GABARAPL2: variants seen among roughly 807,000 people sequenced by gnomAD.
GABARAPL2 encodes the protein GABA type A receptor associated protein like 2.
A neutral mutation model predicts 16.9 loss-of-function variants in GABARAPL2; 11 were observed. The ratio of observed to expected loss-of-function variants is 0.65; its 90% CI spans 0.41 to 1.08. The LOEUF (loss-of-function observed/expected upper bound fraction) is 1.08, where lower values mean the gene tolerates loss of function less well. Among genes scored for constraint, GABARAPL2 ranks in the 50% least tolerant of loss-of-function variants. The probability of loss-of-function intolerance (pLI) is 0.00; values close to 1 mark genes in which losing one functional copy is unlikely to be tolerated. For missense variants in GABARAPL2, 134 were observed against 142.5 expected, an observed-to-expected ratio of 0.94 and a Z score of 0.30; for synonymous variants, 57 against 50.7, an observed-to-expected ratio of 1.12 and a Z score of -0.53.
chr16:75,577,044 G>T, intron 3 of GABARAPL2: 1 of 415,694 alleles, frequency 2.4e-6, no homozygotes, highest in Non-Finnish European at 4.4e-6. Context: ...GCCCCCTGAA[G>T]GAGCTGGCTG....
chr16:75,566,442 C>A lies in GABARAPL2; in HGVS notation c.-45C>A. ...TTGTTGTTGTGCTCGGTGCGCTGAG[C>A]TCCGCGGCTCCGCGAGCCGGTTCCG... is the stretch of plus-strand genomic sequence containing the variant. On this transcript the variant is annotated 5_prime_UTR_variant, in exon 1 of 4. Transcript: ENST00000037243. The A allele has an allele frequency of 6.9e-7, 1 of 1,450,392 alleles. No homozygotes were observed. The highest frequency in any genetic ancestry group is 9.6e-7 in the Non-Finnish European group (1 of 1,043,106). 89.8% of individuals were successfully genotyped at this position (1,450,392 alleles called of 1,614,324 possible).
intron 3 of GABARAPL2, chr16:75,575,948 C>A (rs1309353814): frequency 2.0e-5 from 3 of 152,200 alleles, no homozygotes; most frequent in Non-Finnish European, 1.5e-5. Context: ...ATGTTTTACA[C>A]TGCACATCCC....
At position 75,566,474 on chromosome 16, in the gene GABARAPL2, T is replaced by C; in HGVS notation, c.-13T>C. 2 of 1,602,994 alleles carry C rather than the reference T, an allele frequency of 1.2e-6. No homozygotes were observed. Among genetic ancestry groups the C allele is most frequent in the South Asian group, 1.1e-5 (1 of 90,038 alleles). On this transcript the variant is annotated 5_prime_UTR_variant, in exon 1 of 4. Coordinates refer to ENST00000037243, the MANE Select transcript of GABARAPL2 (RefSeq NM_007285.7). ...GCTCCGCGAGCCGGTTCCGTCCCCTTCCCGCCGCCGCCATGAAGTGGATGT... is the reference window on the plus strand; with the variant it reads ...GCTCCGCGAGCCGGTTCCGTCCCCTCCCCGCCGCCGCCATGAAGTGGATGT...
rs554597998 is a variant in GABARAPL2 at position 75,566,452 on chromosome 16, C to G, written c.-35C>G. The G allele has an allele frequency of 5.3e-5, 83 of 1,552,218 alleles. No individual in the cohort carries two copies. The Admixed American group carries it at 1.3e-3, about 25-fold the overall frequency. On this transcript the variant is annotated 5_prime_UTR_variant, in exon 1 of 4. Transcript: ENST00000037243. ...GCTCGGTGCGCTGAGCTCCGCGGCTCCGCGAGCCGGTTCCGTCCCCTTCCC... is the reference window on the plus strand; with the variant it reads ...GCTCGGTGCGCTGAGCTCCGCGGCTGCGCGAGCCGGTTCCGTCCCCTTCCC...
intron 1 of GABARAPL2, 137 bp downstream of exon 1, chr16:75,566,657 C>A: frequency 3.7e-6 from 4 of 1,070,268 alleles, no homozygotes; most frequent in Non-Finnish European, 5.5e-6. Context: ...GCCCTGGTGC[C>A]TCGGGCAGCG....
chr16:75,574,279 T>C (rs2080933921), intron 3 of GABARAPL2, among the ~76,000 whole-genome samples: 1 of 152,172 alleles, frequency 6.6e-6, no homozygotes. Flanking sequence ...TTAGAATCAT[T>C]GTACTAGGGC....
chr16:75,566,598 G>T lies in GABARAPL2; in HGVS notation c.34+78G>T, dbSNP rs896825885. The T allele has an allele frequency of 7.1e-5, 108 of 1,519,158 alleles. No homozygotes were observed. In the Admixed American group the frequency reaches 2.0e-3, roughly 28 times the overall value. 94.1% of individuals were successfully genotyped at this position (1,519,158 alleles called of 1,614,324 possible). On this transcript the variant is annotated intron_variant, in intron 1 of 3. Coordinates refer to ENST00000037243, the MANE Select transcript of GABARAPL2 (RefSeq NM_007285.7). ...CCCCTCCCCCACTCGGGCGGCCCTG[G>T]GCCGAGTGGAGCGGGGCGGATGCCC...
intron 1 of GABARAPL2, 122 bp from the exon 2 acceptor site, chr16:75,566,730 G>C: frequency 9.4e-7 from 1 of 1,060,038 alleles, no homozygotes; most frequent in South Asian, 1.3e-5. Flanking sequence ...ACAGGACCGC[G>C]GCCCCGGGGA....
intron 3 of GABARAPL2, among the ~76,000 whole-genome samples, chr16:75,570,987 CTTTG>C (rs556477125): frequency 6.5e-4 from 99 of 152,256 alleles, no homozygotes; most frequent in African/African-American, 2.2e-3. Flanking sequence ...GGTCTTTGGT[CTTTG>C]TTTGTTTAGA....
chr16:75,567,962 C>CA, intron 2 of GABARAPL2, 75 bp from the exon 3 acceptor site: 1 of 1,159,668 alleles, frequency 8.6e-7, no homozygotes, highest in South Asian at 1.4e-5. Flanking sequence ...ACACTCTGTT[C>CA]ATCAGCTCCT....
At chr16:75,566,797 C>T in intron 1 of GABARAPL2, 55 bp from the exon 2 acceptor site, 1 of 1,529,964 alleles carries the variant, frequency 6.5e-7, no homozygotes, top group Non-Finnish European at 9.0e-7. Context: ...GGCCGGGGGC[C>T]GGGAACCGAC....
At chr16:75,567,006 A>G (rs1439199168) in intron 2 of GABARAPL2, 99 bp downstream of exon 2, 8 of 1,058,528 alleles carry the variant, frequency 7.6e-6, no homozygotes, top group Non-Finnish European at 1.1e-5. Context: ...TTGAGGTTCC[A>G]GTCCCAGTTA....
chr16:75,575,120 A>C (rs2080940024), intron 3 of GABARAPL2, among the ~76,000 whole-genome samples: 1 of 152,084 alleles, frequency 6.6e-6, no homozygotes, highest in Admixed American at 6.6e-5. Context: ...CTTTAAAGTA[A>C]GATTCTGATG....
At chr16:75,569,128 T>C (rs192009293) in intron 3 of GABARAPL2, among the ~76,000 whole-genome samples, 1 of 152,334 alleles carries the variant, frequency 6.6e-6, no homozygotes, top group Admixed American at 6.5e-5. Context: ...TAGGTTCCTG[T>C]TGAAAATCCT....
At chr16:75,573,337 C>T (rs2080927655) in intron 3 of GABARAPL2, among the ~76,000 whole-genome samples, 1 of 152,224 alleles carries the variant, frequency 6.6e-6, no homozygotes, top group Admixed American at 6.5e-5. Context: ...TCTGACTCTG[C>T]ATGTATGCAG....
chr16:75,574,565 T>C lies in GABARAPL2; in HGVS notation c.264-2714T>C, dbSNP rs377684017. ...AAATGGGGTTACTCTCTGGGCATTC[T>C]CAACCACCAGGGTAAAAATCTTGGG... is the stretch of plus-strand genomic sequence containing the variant. On this transcript the variant is annotated intron_variant, in intron 3 of 3. Transcript: ENST00000037243. Among the ~76,000 whole-genome samples, 51 of 152,234 alleles carry C rather than the reference T, an allele frequency of 3.4e-4. 1 individual carries two copies. The East Asian group carries it at 6.4e-3, about 19-fold the overall frequency.
In GABARAPL2 at chr16:75,566,406, T is replaced by TGCCGCC. The variant is rs1194615542; in HGVS notation, c.-79_-74dup. The TGCCGCC allele has an allele frequency of 1.3e-5, 14 of 1,086,520 alleles. No homozygotes were observed. Among genetic ancestry groups the TGCCGCC allele is most frequent in the Admixed American group, 1.0e-4 (5 of 49,914 alleles). The allele number at this position is 1,086,520 out of a possible 1,614,324, so 67.3% of individuals were successfully genotyped here. ...TCGCCGCCGTCGCTGCCGCTGCCGC[T>TGCCGCC]GCCGCCGTCGTTGTTGTTGTGCTCG... On this transcript the variant is annotated 5_prime_UTR_variant, in exon 1 of 4. Coordinates refer to ENST00000037243, the MANE Select transcript of GABARAPL2 (RefSeq NM_007285.7).
intron 3 of GABARAPL2, 173 bp downstream of exon 3, chr16:75,568,382 T>G (rs1597057746): frequency 4.2e-6 from 2 of 472,472 alleles, no homozygotes; most frequent in Middle Eastern, 9.9e-4. Context: ...TACATAAGAG[T>G]GCATTTTGGA....
intron 3 of GABARAPL2, among the ~76,000 whole-genome samples, chr16:75,574,067 G>T (rs2080932237): frequency 6.6e-6 from 1 of 152,184 alleles, no homozygotes; most frequent in South Asian, 2.1e-4. Flanking sequence ...AAAGACAATG[G>T]AATCTAAAGC....
Sources: gnomAD v4.1 joint callset for allele counts (sites outside exome capture counted in the v4.1 genomes callset) on GRCh38, gnomAD v4.1.1 for gene constraint, MANE v1.5 for transcripts, NCBI Gene and HGNC (gene_info 2026-07-23, HGNC 2026-07-21) for gene names.